DACH2: variants seen among roughly 807,000 people sequenced by gnomAD.
The protein encoded by DACH2 is dachshund family transcription factor 2, also known as dachshund homolog 2.
In DACH2, 17 loss-of-function variants were observed where a neutral mutation model predicts 35.8. The ratio of observed to expected loss-of-function variants is 0.48; its 90% confidence interval spans 0.33 to 0.71. DACH2 has a LOEUF of 0.71. DACH2 is among the 30% of genes least tolerant of loss of function. DACH2 has a pLI of 0.02. For synonymous variants in DACH2, 195 were observed against 177.3 expected (o/e 1.10, Z -0.79); for missense variants, 469 against 472.7 (o/e 0.99, Z 0.07).
intron 6 of DACH2, among the ~76,000 whole-genome samples, chrX:86,737,427 A>G (rs912712470): frequency 3.6e-5 from 4 of 112,263 alleles, no homozygotes; most frequent in African/African-American, 1.3e-4. Context: ...CTATTTAATT[A>G]GCATATATTG....
At chrX:86,309,861 C>A (rs1319343241) in intron 1 of DACH2, among the ~76,000 whole-genome samples, 1 of 112,013 alleles carries the variant, frequency 8.9e-6, no homozygotes, top group Non-Finnish European at 1.9e-5. Flanking sequence ...CCAAAGGCTG[C>A]CAGTTTTGGG....
chrX:86,807,186 T>C, intron 7 of DACH2, among the ~76,000 whole-genome samples: 1 of 111,747 alleles, frequency 8.9e-6, no homozygotes, highest in Non-Finnish European at 1.9e-5. Context: ...TTTCCAAACA[T>C]TGTGTTTCAT....
At chrX:86,747,766 A>G (rs1296435738) in intron 7 of DACH2, among the ~76,000 whole-genome samples, 1 of 111,435 alleles carries the variant, frequency 9.0e-6, no homozygotes, top group Non-Finnish European at 1.9e-5. Context: ...GAAATTCCTT[A>G]ATATAAGACA....
intron 6 of DACH2, among the ~76,000 whole-genome samples, chrX:86,731,481 C>T (rs2041532116): frequency 9.0e-6 from 1 of 111,707 alleles, no homozygotes; most frequent in South Asian, 3.7e-4. Flanking sequence ...AAAAACTTTT[C>T]CAACCAGTTT....
chrX:86,177,131 C>T lies in DACH2; in HGVS notation c.488+28023C>T, dbSNP rs371194571. 6.3e-5 allele frequency among the ~76,000 whole-genome samples: 7 copies of T among 111,526 alleles called. No homozygotes were observed. The South Asian group carries it at 1.5e-3, about 24-fold the overall frequency. ...TCCTTTCTTTGTGTTACAAATAATCCGATTATACTTTCTTAGTTAATCTGA... is the reference window on the plus strand; with the variant it reads ...TCCTTTCTTTGTGTTACAAATAATCTGATTATACTTTCTTAGTTAATCTGA... On this transcript the variant is annotated intron_variant, in intron 1 of 11. Coordinates refer to ENST00000373125, the MANE Select transcript of DACH2 (RefSeq NM_053281.3).
chrX:86,365,439 G>A (rs1012078015), intron 1 of DACH2, among the ~76,000 whole-genome samples: 2 of 110,734 alleles, frequency 1.8e-5, no homozygotes, highest in African/African-American at 6.5e-5. Context: ...CATTTCAGTT[G>A]GAGGAAATTT....
At chrX:86,718,381 C>A (rs781529481) in intron 6 of DACH2, among the ~76,000 whole-genome samples, 45 of 111,125 alleles carry the variant, frequency 4.0e-4, no homozygotes, top group African/African-American at 1.4e-3. Context: ...GATTACTAAT[C>A]CCCTGTCACA....
chrX:86,699,927 T>C (rs983118049), intron 5 of DACH2, among the ~76,000 whole-genome samples: 9 of 111,744 alleles, frequency 8.1e-5, no homozygotes, highest in African/African-American at 2.9e-4. Context: ...TCTCAAATAA[T>C]TTCTTGATTT....
chrX:86,400,882 C>G (rs112413647), intron 2 of DACH2, among the ~76,000 whole-genome samples: 9,975 of 111,745 alleles, frequency 0.089, 1,120 homozygotes, highest in African/African-American at 0.31. Context: ...TGTGTGCTGG[C>G]AGAAGCACTA....
At chrX:86,274,777 C>A (rs1028388546) in intron 1 of DACH2, among the ~76,000 whole-genome samples, 12 of 110,767 alleles carry the variant, frequency 1.1e-4, no homozygotes, top group Non-Finnish European at 2.3e-4. Flanking sequence ...AGATTACAGG[C>A]ATGAGCCACC....
intron 3 of DACH2, among the ~76,000 whole-genome samples, chrX:86,546,357 CTCTTCTTCTTCT>C (rs1195943792): frequency 0.13 from 6,406 of 49,981 alleles, 322 homozygotes; most frequent in Non-Finnish European, 0.16. Context: ...CTTCTTCTTC[CTCTTCTTCTTCT>C]TCTTCTTCTT....
intron 1 of DACH2, among the ~76,000 whole-genome samples, chrX:86,318,941 G>A (rs116384255): frequency 2.2e-4 from 25 of 112,190 alleles, no homozygotes; most frequent in African/African-American, 7.8e-4. Context: ...TCTATTACAC[G>A]AAAAGCATGT....
chrX:86,442,007 G>A (rs2037171499), intron 2 of DACH2, among the ~76,000 whole-genome samples: 1 of 109,057 alleles, frequency 9.2e-6, no homozygotes, highest in African/African-American at 3.3e-5. Context: ...TGGTATTATA[G>A]GCATATGCCA....
At chrX:86,269,227 C>T (rs1043530690) in intron 1 of DACH2, among the ~76,000 whole-genome samples, 2 of 111,119 alleles carry the variant, frequency 1.8e-5, no homozygotes, top group African/African-American at 6.5e-5. Flanking sequence ...TAAGTTAGAA[C>T]ATGTGATGTT....
At chrX:86,317,914 C>T (rs1480457765) in intron 1 of DACH2, among the ~76,000 whole-genome samples, 6 of 111,302 alleles carry the variant, frequency 5.4e-5, no homozygotes, top group African/African-American at 2.0e-4. Context: ...AGGTGTGAGG[C>T]CAGTTCCCCA....
At chrX:86,638,214 G>A (rs974162255) in intron 3 of DACH2, among the ~76,000 whole-genome samples, 10 of 111,736 alleles carry the variant, frequency 8.9e-5, no homozygotes, top group Non-Finnish European at 1.9e-4. Flanking sequence ...ACCATATGCC[G>A]AAGAATGAAA....
intron 2 of DACH2, among the ~76,000 whole-genome samples, chrX:86,399,732 G>A (rs1299882758): frequency 8.9e-6 from 1 of 112,075 alleles, no homozygotes; most frequent in Non-Finnish European, 1.9e-5. Flanking sequence ...GGCTTGTAGA[G>A]TTTCTGCTGA....
At chrX:86,242,046 G>T (rs377224835) in intron 1 of DACH2, among the ~76,000 whole-genome samples, 1 of 113,045 alleles carries the variant, frequency 8.8e-6, no homozygotes, top group African/African-American at 3.2e-5. Flanking sequence ...CTACAGCAAT[G>T]CAGAGGGGAA....
At chrX:86,250,379 A>G (rs959099041) in intron 1 of DACH2, among the ~76,000 whole-genome samples, 1 of 111,152 alleles carries the variant, frequency 9.0e-6, no homozygotes, top group Admixed American at 9.6e-5. Flanking sequence ...GAGAACTGAG[A>G]GTCTATTATT....
Sources: allele counts gnomAD v4.1 joint callset (sites outside exome capture counted in the v4.1 genomes callset), GRCh38; gene constraint gnomAD v4.1.1; transcripts MANE v1.5; gene names NCBI Gene and HGNC (gene_info 2026-07-23, HGNC 2026-07-21).